The following ITGB3BP variants were observed in gnomAD, a reference collection of about 807,000 sequenced individuals.
ITGB3BP encodes the protein integrin subunit beta 3 binding protein.
ITGB3BP carries 27 observed loss-of-function variants against 29.1 expected under a neutral mutation model. The observed-to-expected ratio is 0.93, with a 90% confidence interval of 0.68 to 1.28. The LOEUF (loss-of-function observed/expected upper bound fraction) is 1.28. ITGB3BP is among the 50% of genes most tolerant of loss of function. The pLI, the probability that ITGB3BP is intolerant of heterozygous loss-of-function variation, is 0.00. For missense variants in ITGB3BP, 192 were observed against 200.2 expected, an observed-to-expected ratio of 0.96 and a Z score of 0.25; for synonymous variants, 61 against 61.4, an observed-to-expected ratio of 0.99 and a Z score of 0.03.
intron 1 of ITGB3BP, 35 bp downstream of exon 1, chr1:63,523,094 C>A: frequency 6.2e-7 from 1 of 1,613,524 alleles, no homozygotes. Flanking sequence ...GCAGAGGGCC[C>A]CCAAAACAGC....
At chr1:63,464,981 A>G (rs1645074952) in intron 4 of ITGB3BP, among the ~76,000 whole-genome samples, 2 of 152,232 alleles carry the variant, frequency 1.3e-5, no homozygotes, top group Admixed American at 1.3e-4. Context: ...GTAATCTTGG[A>G]TTGAATCCTG....
intron 7 of ITGB3BP, among the ~76,000 whole-genome samples, chr1:63,448,747 TATTC>T (rs1259688317): frequency 2.0e-5 from 3 of 152,204 alleles, no homozygotes; most frequent in Admixed American, 2.0e-4. Context: ...GTCTTCAGTC[TATTC>T]ATTACTGTCT....
rs187156544 is a variant in ITGB3BP at position 63,522,645 on chromosome 1, A to T, written c.5+484T>A. ...GCAGTACAAACTTATTTGTGTAAGT[A>T]AAAAAAAACGAAGCTCAGGGTCGAT... On this transcript the variant is annotated intron_variant, in intron 1 of 8. Coordinates refer to ENST00000271002, the MANE Select transcript of ITGB3BP (RefSeq NM_014288.5). 1.4e-3 allele frequency among the ~76,000 whole-genome samples: 217 copies of T among 151,306 alleles called. 1 individual carries two copies. The highest frequency in any genetic ancestry group is 5.2e-3 in the African/African-American group (213 of 41,208).
At position 63,499,156 on chromosome 1, in the gene ITGB3BP, GTTT is replaced by G. The variant is rs57626823; in HGVS notation, c.49-8941_49-8939del. ...AGCTTCACAAGTGAATTCCACTAGC[GTTT>G]TTTTTTTTTTTTTTTTCTTGAGATG... On this transcript the variant is annotated intron_variant, in intron 2 of 8. Transcript: ENST00000271002. Among the ~76,000 whole-genome samples the G allele has an allele frequency of 4.2e-3, 500 of 118,052 alleles. 4 individuals carry two copies. The highest frequency in any genetic ancestry group is 0.013 in the African/African-American group (391 of 31,144). The allele number at this position is 118,052 out of a possible 152,430, so 77.4% of individuals were successfully genotyped here. A position where few individuals can be genotyped will look rare whatever the true frequency, so the allele number is the denominator to read the frequency against.
intron 4 of ITGB3BP, among the ~76,000 whole-genome samples, chr1:63,463,456 T>C (rs1282955331): frequency 6.6e-6 from 1 of 152,170 alleles, no homozygotes; most frequent in African/African-American, 2.4e-5. Flanking sequence ...AATTTCCTGG[T>C]TGTGATATTG....
At chr1:63,508,459 A>C in intron 2 of ITGB3BP, 69 bp downstream of exon 2, 1 of 690,978 alleles carries the variant, frequency 1.4e-6, no homozygotes, top group East Asian at 2.9e-5. Context: ...ATATTTAACG[A>C]GATAAATCAG....
intron 4 of ITGB3BP, among the ~76,000 whole-genome samples, chr1:63,465,092 T>C (rs1301052882): frequency 6.6e-6 from 1 of 152,194 alleles, no homozygotes; most frequent in Non-Finnish European, 1.5e-5. Context: ...TTTCCTGATT[T>C]TAATATTTTT....
intron 4 of ITGB3BP, among the ~76,000 whole-genome samples, chr1:63,474,889 TAAAAA>T (rs71052480): frequency 2.8e-5 from 4 of 145,020 alleles, no homozygotes; most frequent in African/African-American, 1.0e-4. Flanking sequence ...GAATGATCAA[TAAAAA>T]AAAAAAATAA....
At chr1:63,456,323 A>T (rs1644936174) in intron 4 of ITGB3BP, among the ~76,000 whole-genome samples, 1 of 152,122 alleles carries the variant, frequency 6.6e-6, no homozygotes, top group African/African-American at 2.4e-5. Context: ...GGACAGTGGA[A>T]TTTTGGGTGT....
intron 4 of ITGB3BP, among the ~76,000 whole-genome samples, chr1:63,463,500 C>G (rs1239370216): frequency 6.6e-6 from 1 of 152,114 alleles, no homozygotes; most frequent in African/African-American, 2.4e-5. Flanking sequence ...TGTTGGGAAA[C>G]TAGGAAAACA....
chr1:63,482,716 C>T lies in ITGB3BP; in HGVS notation c.185-3883G>A, dbSNP rs371390148. Among the ~76,000 whole-genome samples, 213 of 143,984 alleles carry T rather than the reference C, an allele frequency of 1.5e-3. 1 individual carries two copies. The highest frequency in any genetic ancestry group is 5.5e-3 in the African/African-American group (208 of 38,048). 94.5% of individuals were successfully genotyped at this position (143,984 alleles called of 152,430 possible). The stretch of plus-strand genomic sequence containing the variant: ...CAGCCCAGCCCGGAAAGCAGTGGTG[C>T]GATCTCTGCTCACTGCAACCTCCGC... On this transcript the variant is annotated intron_variant, in intron 3 of 8. Transcript: ENST00000271002.
At chr1:63,525,769 T>A (rs775061735), upstream of ITGB3BP, 1 of 1,519,656 alleles carries the variant, frequency 6.6e-7, no homozygotes, top group South Asian at 1.3e-5. Flanking sequence ...GGTAAATTTT[T>A]AAAATTTTTA....
At position 63,478,757 on chromosome 1, in the gene ITGB3BP, AACTT is replaced by A; in HGVS notation, c.254+3_254+6del. On this transcript the variant is annotated splice_donor_5th_base_variant and intron_variant, in intron 4 of 8. Transcript: ENST00000271002. ...CACATATATAATTTCAAAAATAACA[AACTT>A]ACTCATCATTGTCTTTTGTTGTAGA... 1 of 1,356,564 alleles carries A rather than the reference AACTT, an allele frequency of 7.4e-7. No homozygotes were observed. Among genetic ancestry groups the A allele is most frequent in the Non-Finnish European group, 1.0e-6 (1 of 985,676 alleles). 84.0% of individuals were successfully genotyped at this position (1,356,564 alleles called of 1,614,324 possible).
chr1:63,487,056 A>T (rs1400431842), intron 3 of ITGB3BP, among the ~76,000 whole-genome samples: 1 of 152,014 alleles, frequency 6.6e-6, no homozygotes, highest in East Asian at 1.9e-4. Context: ...GTAGGGTCTA[A>T]GTGTTTGTAT....
At chr1:63,476,494 AAATT>A (rs1406653104) in intron 4 of ITGB3BP, among the ~76,000 whole-genome samples, 1 of 152,242 alleles carries the variant, frequency 6.6e-6, no homozygotes, top group African/African-American at 2.4e-5. Flanking sequence ...AGAAATTAAT[AAATT>A]AAGTAAACAT....
In ITGB3BP at chr1:63,454,606, C is replaced by A; in HGVS notation, c.334-133G>T. On this transcript the variant is annotated intron_variant, in intron 5 of 8. Transcript: ENST00000271002. This position sits in a 1 kb window ranked among gnomAD's most constrained non-coding sequence, Gnocchi z 4.1. The stretch of plus-strand genomic sequence containing the variant: ...TTTATGTTAGGATATTTAACTGTTT[C>A]TGGCAGGCCAACTATTTCAAGCCCA... 2.1e-6 allele frequency: 1 copy of A among 487,592 alleles called. No individual in the cohort carries two copies. Among genetic ancestry groups the A allele is most frequent in the Non-Finnish European group, 3.7e-6 (1 of 273,246 alleles). 30.2% of individuals were successfully genotyped at this position (487,592 alleles called of 1,614,324 possible).
intron 4 of ITGB3BP, among the ~76,000 whole-genome samples, chr1:63,469,047 C>CA (rs67619203): frequency 5.6e-5 from 8 of 142,636 alleles, no homozygotes; most frequent in African/African-American, 1.5e-4. Flanking sequence ...GAGACTGTTT[C>CA]AAAAAAAAAA....
At chr1:63,482,842 C>T (rs139945547) in intron 3 of ITGB3BP, among the ~76,000 whole-genome samples, 20,890 of 151,788 alleles carry the variant, frequency 0.14, 1,556 homozygotes, top group Middle Eastern at 0.25. Flanking sequence ...TTAGTAGAGA[C>T]TGGGTTTTGC....
At chr1:63,517,803 C>G (rs975337478) in intron 1 of ITGB3BP, among the ~76,000 whole-genome samples, 1 of 152,180 alleles carries the variant, frequency 6.6e-6, no homozygotes, top group Non-Finnish European at 1.5e-5. Context: ...CTCACTGCAG[C>G]CTTGACTTCC....
Sources: gnomAD v4.1 joint callset for allele counts (sites outside exome capture counted in the v4.1 genomes callset) on GRCh38, gnomAD v4.1.1 for gene constraint, Gnocchi (gnomAD v3.1) non-coding constraint, MANE v1.5 for transcripts, NCBI Gene and HGNC (gene_info 2026-07-23, HGNC 2026-07-21) for gene names.